KAZN: variants seen among roughly 807,000 people sequenced by gnomAD.
The protein encoded by KAZN is kazrin.
Under a neutral mutation model 87.4 loss-of-function variants are expected in KAZN, and 40 were observed. The ratio of observed to expected loss-of-function variants is 0.46; its 90% confidence interval spans 0.36 to 0.60. The LOEUF (loss-of-function observed/expected upper bound fraction) is 0.60, where lower values mean the gene tolerates loss of function less well. Ranked by LOEUF, KAZN falls within the 20% of genes least tolerant of loss-of-function variation. The pLI is 0.00. For synonymous variants in KAZN, 466 were observed against 458.3 expected (o/e 1.02, Z -0.22); for missense variants, 898 against 1,073.9 (o/e 0.84, Z 2.29).
At chr1:14,097,797 A>C (rs1034166740) in intron 1 of KAZN, among the ~76,000 whole-genome samples, 2 of 152,160 alleles carry the variant, frequency 1.3e-5, no homozygotes, top group African/African-American at 4.8e-5. Flanking sequence ...TATTCAGAAA[A>C]ATTCAGTTAA....
chr1:14,595,877 C>G (rs1325727165), upstream of KAZN, among the ~76,000 whole-genome samples: 1 of 151,786 alleles, frequency 6.6e-6, no homozygotes, highest in Non-Finnish European at 1.5e-5. Context: ...AAAAAACTCT[C>G]AAAAAATAAA....
intron 1 of KAZN, among the ~76,000 whole-genome samples, chr1:13,958,372 C>T (rs941776997): frequency 4.0e-5 from 6 of 151,866 alleles, no homozygotes; most frequent in Non-Finnish European, 8.8e-5. Flanking sequence ...GGATAGAGAC[C>T]ATCCTGGCTA....
intron 1 of KAZN, among the ~76,000 whole-genome samples, chr1:14,759,824 T>C (rs1056913843): frequency 6.6e-6 from 1 of 152,150 alleles, no homozygotes; most frequent in East Asian, 1.9e-4. Context: ...ACCGTCCAGA[T>C]CCTCTTAGAT....
At chr1:14,059,622 A>G (rs1435614983) in intron 1 of KAZN, among the ~76,000 whole-genome samples, 1 of 152,198 alleles carries the variant, frequency 6.6e-6, no homozygotes, top group Non-Finnish European at 1.5e-5. Context: ...ACACCCAGTA[A>G]CTATACTTTA....
intron 1 of KAZN, among the ~76,000 whole-genome samples, chr1:14,039,704 A>G (rs1641716357): frequency 2.0e-5 from 3 of 152,224 alleles, no homozygotes; most frequent in African/African-American, 7.2e-5. Flanking sequence ...CTGTTGATCA[A>G]TATAAACAGC....
At chr1:14,394,232 A>G (rs1485522277) in intron 2 of KAZN, among the ~76,000 whole-genome samples, 2 of 152,270 alleles carry the variant, frequency 1.3e-5, no homozygotes, top group African/African-American at 4.8e-5. Flanking sequence ...TCCTAGGGCC[A>G]TTAAGATGGC....
chr1:14,709,182 G>T (rs1642364610), intron 1 of KAZN, among the ~76,000 whole-genome samples: 1 of 152,164 alleles, frequency 6.6e-6, no homozygotes, highest in Non-Finnish European at 1.5e-5. Context: ...TTCCCCAAAG[G>T]CACACACCAG....
In KAZN at chr1:14,723,183, G is replaced by A. The variant is rs139605199; in HGVS notation, c.226+123960G>A. On this transcript the variant is annotated intron_variant, in intron 1 of 14. Transcript: ENST00000376030. ...ATTTCCTCCTCCTGACCCTGCGGCT[G>A]CACCATAGTCAAGGGGTGCATCTTC... Among the ~76,000 whole-genome samples, 864 of 152,236 alleles carry A rather than the reference G, an allele frequency of 5.7e-3. 15 individuals carry two copies. Among genetic ancestry groups the A allele is most frequent in the African/African-American group, 0.02 (825 of 41,558 alleles).
At chr1:14,209,609 G>A (rs1556984) in intron 2 of KAZN, among the ~76,000 whole-genome samples, 14,401 of 151,964 alleles carry the variant, frequency 0.095, 992 homozygotes, top group Non-Finnish European at 0.14. Context: ...TAACTATAGT[G>A]CAAATGTGGC....
intron 2 of KAZN, among the ~76,000 whole-genome samples, chr1:14,516,116 G>A (rs1163955450): frequency 1.3e-5 from 2 of 152,216 alleles, no homozygotes; most frequent in Non-Finnish European, 2.9e-5. Flanking sequence ...TTTCGCTTGA[G>A]CAGCAAGTCG....
intron 1 of KAZN, among the ~76,000 whole-genome samples, chr1:14,601,026 A>G (rs1676928392): frequency 6.6e-6 from 1 of 152,170 alleles, no homozygotes; most frequent in African/African-American, 2.4e-5. Context: ...TTTTTCCTAC[A>G]CAAATGCACA....
chr1:14,608,082 C>T (rs146054838), intron 1 of KAZN, among the ~76,000 whole-genome samples: 100 of 152,312 alleles, frequency 6.6e-4, no homozygotes, highest in African/African-American at 2.1e-3. Context: ...GGGATTAGAA[C>T]ACAGGTTCAC....
chr1:14,348,242 G>A (rs2100930784), intron 2 of KAZN, among the ~76,000 whole-genome samples: 1 of 151,998 alleles, frequency 6.6e-6, no homozygotes, highest in East Asian at 1.9e-4. Context: ...AGTAGAGATG[G>A]GGTTTCACTA....
chr1:13,893,034 C>G (rs980249800), exon 1 of KAZN: 1 of 152,312 alleles, frequency 6.6e-6, no homozygotes, highest in South Asian at 2.1e-4. Flanking sequence ...GCCCGCCTCC[C>G]GCGCTCTCCC....
intron 1 of KAZN, among the ~76,000 whole-genome samples, chr1:14,656,174 C>T (rs1221204732): frequency 6.6e-6 from 1 of 152,112 alleles, no homozygotes; most frequent in Non-Finnish European, 1.5e-5. Flanking sequence ...CGTTCAGGCG[C>T]ATCTGCCATA....
intron 1 of KAZN, among the ~76,000 whole-genome samples, chr1:13,968,136 G>A (rs540940150): frequency 5.1e-4 from 78 of 152,304 alleles, no homozygotes; most frequent in African/African-American, 1.9e-3. Flanking sequence ...TCCTGGTACT[G>A]GGAAGCCCGG....
chr1:14,007,475 A>T (rs1363012824), intron 1 of KAZN, among the ~76,000 whole-genome samples: 1 of 152,162 alleles, frequency 6.6e-6, no homozygotes, highest in Non-Finnish European at 1.5e-5. Context: ...GCAGATATGC[A>T]CACCCAGCTG....
intron 1 of KAZN, among the ~76,000 whole-genome samples, chr1:14,142,898 T>C (rs1199476327): frequency 1.3e-5 from 2 of 152,200 alleles, no homozygotes; most frequent in Admixed American, 6.5e-5. Flanking sequence ...CTTGGTGAGA[T>C]GGGCCCAACT....
intron 1 of KAZN, among the ~76,000 whole-genome samples, chr1:14,883,409 A>AAGAAAGAAAGAAAG (rs1653688714): frequency 6.8e-6 from 1 of 146,490 alleles, no homozygotes; most frequent in Non-Finnish European, 1.5e-5. Context: ...GAAAGAAAGA[A>AAGAAAGAAAGAAAG]AGAAAGAAAG....
Sources: allele counts gnomAD v4.1 joint callset (sites outside exome capture counted in the v4.1 genomes callset), GRCh38; gene constraint gnomAD v4.1.1; transcripts MANE v1.5; gene names NCBI Gene and HGNC (gene_info 2026-07-23, HGNC 2026-07-21).